Variants in POLR1D observed in about 807,000 individuals in gnomAD.
The protein encoded by POLR1D is DNA-directed RNA polymerases I and III subunit RPAC2.
In POLR1D, 8 loss-of-function variants were observed where a neutral mutation model predicts 10.8. The observed-to-expected ratio is 0.74, with a 90% confidence interval of 0.43 to 1.33. The LOEUF is 1.33. Among genes scored for constraint, POLR1D ranks in the 40% most tolerant of loss-of-function variants. The pLI is 0.01. For synonymous variants in POLR1D, 54 were observed against 57.2 expected, an observed-to-expected ratio of 0.94 and a Z score of 0.25; for missense variants, 152 against 161.7, an observed-to-expected ratio of 0.94 and a Z score of 0.32.
At chr13:27,641,188 C>T (rs1052211663) in intron 1 of POLR1D, among the ~76,000 whole-genome samples, 2 of 152,206 alleles carry the variant, frequency 1.3e-5, no homozygotes, top group Non-Finnish European at 2.9e-5. Context: ...ACCATACTTT[C>T]ACATCTCATG....
intron 2 of POLR1D, among the ~76,000 whole-genome samples, chr13:27,664,071 G>C (rs1292709862): frequency 6.6e-6 from 1 of 152,150 alleles, no homozygotes; most frequent in Non-Finnish European, 1.5e-5. Flanking sequence ...TGGGTCAAGT[G>C]TCTTCACCAA....
intron 2 of POLR1D, among the ~76,000 whole-genome samples, chr13:27,659,925 T>TATATATATATATATATATATATACAC (rs528297415): frequency 1.3e-5 from 2 of 149,384 alleles, no homozygotes; most frequent in African/African-American, 5.0e-5. Flanking sequence ...TATATATATA[T>TATATATATATATATATATATATACAC]ACACACACAT....
intron 1 of POLR1D, among the ~76,000 whole-genome samples, chr13:27,642,301 C>A (rs959121132): frequency 9.2e-5 from 14 of 152,178 alleles, no homozygotes; most frequent in African/African-American, 3.4e-4. Context: ...CTGCCTCATT[C>A]TGTGTCCTTG....
At chr13:27,652,911 CTTTTT>C (rs71083685) in intron 2 of POLR1D, among the ~76,000 whole-genome samples, 2 of 89,330 alleles carry the variant, frequency 2.2e-5, no homozygotes, top group African/African-American at 9.7e-5. Context: ...TTTACCATTT[CTTTTT>C]TTTTTTTTTT....
chr13:27,623,703 T>G (rs1385027941), downstream of POLR1D, among the ~76,000 whole-genome samples: 4 of 152,290 alleles, frequency 2.6e-5, no homozygotes, highest in South Asian at 4.1e-4. Context: ...GGTGGGGACT[T>G]GGCTTCTTGC....
At chr13:27,629,686 G>T (rs191808748) in intron 1 of POLR1D, among the ~76,000 whole-genome samples, 1 of 151,650 alleles carries the variant, frequency 6.6e-6, no homozygotes, top group African/African-American at 2.4e-5. Flanking sequence ...GAGAAAAGTC[G>T]CAGACAAATT....
At chr13:27,631,809 ACCAG>A (rs1956075836) in intron 1 of POLR1D, among the ~76,000 whole-genome samples, 1 of 152,168 alleles carries the variant, frequency 6.6e-6, no homozygotes, top group African/African-American at 2.4e-5. Flanking sequence ...ATGATTACAT[ACCAG>A]TGTCAGAGTA....
At chr13:27,620,825 GCTAGGTGTCTGCGCGCACC>G (rs2138510229), upstream of POLR1D, 1 of 153,348 alleles carries the variant, frequency 6.5e-6, no homozygotes, top group East Asian at 1.9e-4. Context: ...AGCCCCGCTG[GCTAGGTGTCTGCGCGCACC>G]CCCGGCCGCC....
intron 2 of POLR1D, among the ~76,000 whole-genome samples, chr13:27,662,869 A>G (rs1956377986): frequency 6.6e-6 from 1 of 152,166 alleles, no homozygotes; most frequent in African/African-American, 2.4e-5. Flanking sequence ...ACCCTTTAAG[A>G]TAGTCGCCAT....
At chr13:27,635,724 A>G (rs1277532723) in intron 1 of POLR1D, among the ~76,000 whole-genome samples, 1 of 142,372 alleles carries the variant, frequency 7.0e-6, no homozygotes, top group Non-Finnish European at 1.5e-5. Flanking sequence ...ATATATATAT[A>G]TACATACACA....
Position 27,631,090 on chromosome 13 carries a change from C to T in POLR1D, c.26+9081C>T, listed in dbSNP as rs957022416. Among the ~76,000 whole-genome samples, 13 of 152,170 alleles carry T rather than the reference C, an allele frequency of 8.5e-5. 1 individual carries two copies. The highest frequency in any genetic ancestry group is 1.5e-4 in the Non-Finnish European group (10 of 68,042). On this transcript the variant is annotated intron_variant, in intron 1 of 2. Transcript: ENST00000399697. ...TTGACTGGGTATTAGTCCATTGCTGCGTAATAGATTATCCCAAAACTTAGT... is the reference window on the plus strand; with the variant it reads ...TTGACTGGGTATTAGTCCATTGCTGTGTAATAGATTATCCCAAAACTTAGT...
Position 27,663,740 on chromosome 13 carries a change from GCAGAGAAGAACTGGC to G in POLR1D, c.102-1942_102-1928del. On this transcript the variant is annotated intron_variant, in intron 2 of 2. Transcript: ENST00000399697. This position sits in a 1 kb window ranked among gnomAD's most constrained non-coding sequence, Gnocchi z 4.1. ...AAAGTACCCTTCCTTGTTGTTTAAT[GCAGAGAAGAACTGGC>G]CAGTTTACCACCACTGAGATGGCCC... is the stretch of plus-strand genomic sequence containing the variant. Among the ~76,000 whole-genome samples the G allele has an allele frequency of 7.0e-6, 1 of 143,360 alleles. No homozygotes were observed. The highest frequency in any genetic ancestry group is 2.9e-4 in the East Asian group (1 of 3,476). The allele number at this position is 143,360 out of a possible 152,430, so 94.0% of individuals were successfully genotyped here.
intron 2 of POLR1D, chr13:27,648,478 TA>T: frequency 6.7e-7 from 1 of 1,503,576 alleles, no homozygotes; most frequent in African/African-American, 1.4e-5. Context: ...TAATCTTCCT[TA>T]AAACTTAAGA....
At chr13:27,654,465 G>A (rs924159715) in intron 2 of POLR1D, among the ~76,000 whole-genome samples, 1 of 152,168 alleles carries the variant, frequency 6.6e-6, no homozygotes, top group Non-Finnish European at 1.5e-5. Context: ...AACCTGTCAA[G>A]TTCACAGTTT....
chr13:27,622,204 G>T, intron 1 of POLR1D, 195 bp downstream of exon 1: 2 of 616,400 alleles, frequency 3.2e-6, no homozygotes, highest in Non-Finnish European at 2.9e-6. Context: ...AAGGAGGGAA[G>T]ACAAGTTGGG....
At chr13:27,622,800 T>C (rs1955961608) in intron 1 of POLR1D, 75 bp from the exon 2 acceptor site, 1 of 891,902 alleles carries the variant, frequency 1.1e-6, no homozygotes, top group Non-Finnish European at 1.8e-6. Context: ...TGCAATGTGA[T>C]ATAGTAAATG....
intron 2 of POLR1D, chr13:27,664,584 CT>C (rs1375403861): frequency 6.6e-6 from 1 of 152,226 alleles, no homozygotes; most frequent in African/African-American, 2.4e-5. Flanking sequence ...GTTTTTCTTC[CT>C]TTTACTTCCA....
chr13:27,655,125 G>A (rs527692112), intron 2 of POLR1D, among the ~76,000 whole-genome samples: 1 of 152,290 alleles, frequency 6.6e-6, no homozygotes, highest in African/African-American at 2.4e-5. Context: ...TCTACCCATA[G>A]TGGTTTAGCA....
At chr13:27,634,023 C>G (rs1260632088) in intron 1 of POLR1D, among the ~76,000 whole-genome samples, 1 of 152,118 alleles carries the variant, frequency 6.6e-6, no homozygotes, top group Non-Finnish European at 1.5e-5. Flanking sequence ...CTTTATCAGA[C>G]CTTGTAATTG....
Sources: gnomAD v4.1 joint callset for allele counts (sites outside exome capture counted in the v4.1 genomes callset) on GRCh38, gnomAD v4.1.1 for gene constraint, Gnocchi (gnomAD v3.1) non-coding constraint, MANE v1.5 for transcripts, NCBI Gene and HGNC (gene_info 2026-07-23, HGNC 2026-07-21) for gene names.